Variants in NDST3 observed in about 807,000 individuals in gnomAD.
The protein encoded by NDST3 is bifunctional heparan sulfate N-deacetylase/N-sulfotransferase 3.
A neutral mutation model predicts 96.1 loss-of-function variants in NDST3; 58 were observed. That is an observed-to-expected ratio of 0.60 (90% CI 0.49 to 0.75). The LOEUF is 0.75. NDST3 is among the 30% of genes least tolerant of loss of function. The pLI, the probability that NDST3 is intolerant of heterozygous loss-of-function variation, is 0.00. For synonymous variants in NDST3, 333 were observed against 359.7 expected, an observed-to-expected ratio of 0.93 and a Z score of 0.84; for missense variants, 788 against 1,034.2, an observed-to-expected ratio of 0.76 and a Z score of 3.27.
intron 6 of NDST3, among the ~76,000 whole-genome samples, chr4:118,169,964 C>T (rs1735824001): frequency 6.6e-6 from 1 of 152,028 alleles, no homozygotes; most frequent in South Asian, 2.1e-4. Flanking sequence ...GTGATCTTTA[C>T]CGGGGGGCTT....
intron 12 of NDST3, among the ~76,000 whole-genome samples, chr4:118,250,116 A>T (rs1667345852): frequency 6.6e-6 from 1 of 152,216 alleles, no homozygotes; most frequent in African/African-American, 2.4e-5. Flanking sequence ...CAGTTGATGG[A>T]CATGAGTAAT....
At chr4:118,190,932 G>T (rs1034975387) in intron 6 of NDST3, among the ~76,000 whole-genome samples, 1 of 152,170 alleles carries the variant, frequency 6.6e-6, no homozygotes, top group South Asian at 2.1e-4. Context: ...TATCACATAC[G>T]CATAATACAT....
chr4:118,106,240 T>C (rs1457049151), intron 3 of NDST3, among the ~76,000 whole-genome samples: 1 of 152,210 alleles, frequency 6.6e-6, no homozygotes, highest in African/African-American at 2.4e-5. Context: ...ATGGCGTTTT[T>C]AATGAACAAA....
chr4:118,086,164 T>C (rs1728401719), intron 2 of NDST3, among the ~76,000 whole-genome samples: 1 of 152,204 alleles, frequency 6.6e-6, no homozygotes, highest in Non-Finnish European at 1.5e-5. Context: ...CTTCTGTCCC[T>C]TTCACGCAAT....
intron 6 of NDST3, among the ~76,000 whole-genome samples, chr4:118,175,049 A>G (rs1178525691): frequency 1.3e-5 from 2 of 152,118 alleles, no homozygotes. Flanking sequence ...TGCTACCTTG[A>G]TAATACCCCG....
At chr4:118,171,983 C>T (rs1011353045) in intron 6 of NDST3, among the ~76,000 whole-genome samples, 3 of 152,130 alleles carry the variant, frequency 2.0e-5, no homozygotes, top group African/African-American at 7.2e-5. Context: ...GCTTCCATGT[C>T]CCCTTCTGTA....
intron 2 of NDST3, among the ~76,000 whole-genome samples, chr4:118,103,222 T>G (rs1181278657): frequency 6.6e-6 from 1 of 151,984 alleles, no homozygotes; most frequent in African/African-American, 2.4e-5. Context: ...CTTAAAGCAC[T>G]GAACACAAAA....
chr4:118,107,221 C>G (rs1472883287), intron 3 of NDST3, among the ~76,000 whole-genome samples: 1 of 152,136 alleles, frequency 6.6e-6, no homozygotes, highest in Non-Finnish European at 1.5e-5. Flanking sequence ...ACTGTGGACT[C>G]TCATTCTGAA....
intron 12 of NDST3, among the ~76,000 whole-genome samples, 155 bp from the exon 13 acceptor site, chr4:118,253,344 A>G (rs931051302): frequency 5.3e-5 from 8 of 152,230 alleles, no homozygotes; most frequent in Non-Finnish European, 2.9e-5. Flanking sequence ...AAAGGAATAT[A>G]GTAAAAAAGA....
At chr4:118,106,373 T>C (rs1359823739) in intron 3 of NDST3, among the ~76,000 whole-genome samples, 2 of 152,110 alleles carry the variant, frequency 1.3e-5, no homozygotes, top group African/African-American at 4.8e-5. Context: ...TGAGACAGGA[T>C]CTTGCTCTGT....
At chr4:118,051,646 G>A (rs1725084858) in intron 1 of NDST3, among the ~76,000 whole-genome samples, 1 of 151,788 alleles carries the variant, frequency 6.6e-6, no homozygotes, top group Non-Finnish European at 1.5e-5. Context: ...AAAGAAATAA[G>A]GCATCTAAAT....
intron 2 of NDST3, among the ~76,000 whole-genome samples, chr4:118,078,038 T>A (rs1320330482): frequency 6.6e-6 from 1 of 152,116 alleles, no homozygotes. Flanking sequence ...TTTAGAAGTG[T>A]GGGGGATGGA....
chr4:118,083,942 T>C lies in NDST3; in HGVS notation c.982-21076T>C, dbSNP rs534187071. Among the ~76,000 whole-genome samples the C allele has an allele frequency of 3.1e-4, 47 of 152,240 alleles. No individual in the cohort carries two copies. In the South Asian group the frequency reaches 8.9e-3, roughly 29 times the overall value. On this transcript the variant is annotated intron_variant, in intron 2 of 13. Transcript: ENST00000296499. ...CTAACTATGCCTTTGTGACAGAAAA[T>C]CCTCTCTACTCTGTAGACTCCATTG...
chr4:118,245,592 C>T (rs374950391), intron 12 of NDST3, among the ~76,000 whole-genome samples: 2 of 152,100 alleles, frequency 1.3e-5, no homozygotes, highest in Non-Finnish European at 2.9e-5. Context: ...TACAAATGTA[C>T]TACACTAAAA....
chr4:118,051,044 T>C (rs1725045178), intron 1 of NDST3, among the ~76,000 whole-genome samples: 1 of 151,916 alleles, frequency 6.6e-6, no homozygotes, highest in Non-Finnish European at 1.5e-5. Flanking sequence ...TGGAACACAA[T>C]AGAAAACTCA....
In NDST3 at chr4:118,141,850, A is replaced by G. The variant is rs1397128005; in HGVS notation, c.1411-1706A>G. 2.6e-5 allele frequency among the ~76,000 whole-genome samples: 4 copies of G among 152,280 alleles called. No individual in the cohort carries two copies. In the South Asian group the frequency reaches 6.2e-4, roughly 24 times the overall value. On this transcript the variant is annotated intron_variant, in intron 5 of 13. Transcript: ENST00000296499. The stretch of plus-strand genomic sequence containing the variant: ...ACATGGGCTGGCATGGAACTAGGAT[A>G]TGGATCTAGTATTCTAGCATAAAAC...
intron 6 of NDST3, among the ~76,000 whole-genome samples, chr4:118,217,205 A>G (rs1418051072): frequency 6.6e-6 from 1 of 152,104 alleles, no homozygotes; most frequent in African/African-American, 2.4e-5. Context: ...AGCCGTGGAG[A>G]GGCAAGTCCA....
In NDST3 at chr4:118,253,510, A is replaced by T. The variant is rs1425415899; in HGVS notation, c.2411A>T (p.His804Leu). ...NYSEALTFDS[H>L]KGFWCQLLEE... ...CTTTTTTTTTTTAGGTTTGATTCTC[A>T]TAAAGGTTTCTGGTGTCAGTTACTG... is the stretch of plus-strand genomic sequence containing the variant. Residue 804 changes from histidine to leucine, a missense_variant, in exon 13 of 14, where the codon CAT becomes CTT. By Grantham distance (99) the His-to-Leu change is moderately conservative. Transcript: ENST00000296499. The T allele has an allele frequency of 6.2e-7, 1 of 1,605,624 alleles. No homozygotes were observed. The highest frequency in any genetic ancestry group is 2.2e-5 in the East Asian group (1 of 44,654).
At chr4:118,213,192 T>C (rs1253801212) in intron 6 of NDST3, among the ~76,000 whole-genome samples, 2 of 152,144 alleles carry the variant, frequency 1.3e-5, no homozygotes, top group African/African-American at 4.8e-5. Context: ...AAGAGGACAA[T>C]TTTTCTCACA....
Sources: gnomAD v4.1 joint callset for allele counts (sites outside exome capture counted in the v4.1 genomes callset) on GRCh38, gnomAD v4.1.1 for gene constraint, MANE v1.5 for transcripts, NCBI Gene and HGNC (gene_info 2026-07-23, HGNC 2026-07-21) for gene names.